The following CNGB3 variants were observed in gnomAD, a reference collection of about 807,000 sequenced individuals.
The protein encoded by CNGB3 is cyclic nucleotide-gated channel beta-3.
CNGB3 carries 86 observed loss-of-function variants against 92.8 expected under a neutral mutation model. That is an observed-to-expected ratio of 0.93 (90% CI 0.78 to 1.11). CNGB3 has a LOEUF of 1.11. Ranked by LOEUF, CNGB3 falls within the 50% of genes least tolerant of loss-of-function variation. The pLI is 0.00. For missense variants in CNGB3, 1,026 were observed against 956.8 expected (o/e 1.07, Z -0.95); for synonymous variants, 333 against 332.7 (o/e 1.00, Z -0.01).
intron 6 of CNGB3, chr8:86,657,424 GA>G: frequency 6.0e-6 from 3 of 500,042 alleles, no homozygotes; most frequent in South Asian, 3.0e-5. Context: ...CAGCATGATA[GA>G]AAAATGGAAT....
chr8:86,671,411 C>A (rs1282021388), intron 3 of CNGB3, among the ~76,000 whole-genome samples: 3 of 152,144 alleles, frequency 2.0e-5, no homozygotes, highest in Non-Finnish European at 2.9e-5. Context: ...CAGGCAGAAG[C>A]CTAAGATGGC....
chr8:86,633,112 T>A (rs1822994083), intron 10 of CNGB3, among the ~76,000 whole-genome samples: 1 of 152,182 alleles, frequency 6.6e-6, no homozygotes. Context: ...TTACTAGCCG[T>A]TACCAAAATT....
intron 15 of CNGB3, among the ~76,000 whole-genome samples, chr8:86,591,374 TG>T (rs1822031882): frequency 6.6e-6 from 1 of 152,120 alleles, no homozygotes; most frequent in Non-Finnish European, 1.5e-5. Context: ...TTTGTTCCAT[TG>T]CTGGTGATGA....
intron 15 of CNGB3, among the ~76,000 whole-genome samples, chr8:86,601,995 T>C (rs760321051): frequency 6.6e-6 from 1 of 152,230 alleles, no homozygotes; most frequent in African/African-American, 2.4e-5. Context: ...TATTTCCTCC[T>C]GTGATGATAA....
intron 13 of CNGB3, among the ~76,000 whole-genome samples, chr8:86,618,881 C>A (rs890301156): frequency 2.6e-5 from 4 of 152,150 alleles, no homozygotes; most frequent in Non-Finnish European, 5.9e-5. Flanking sequence ...GCTGCCATTC[C>A]GGTTCTCTTC....
chr8:86,605,345 T>G (rs1822392374), intron 14 of CNGB3, among the ~76,000 whole-genome samples: 1 of 152,024 alleles, frequency 6.6e-6, no homozygotes, highest in African/African-American at 2.4e-5. Context: ...GGCACTTAGG[T>G]CAAGAAAGGC....
At chr8:86,599,684 C>T (rs570016564) in intron 15 of CNGB3, among the ~76,000 whole-genome samples, 9 of 152,186 alleles carry the variant, frequency 5.9e-5, no homozygotes, top group African/African-American at 2.2e-4. Flanking sequence ...TCCTATAGCA[C>T]TCCCAGGCTT....
At chr8:86,642,724 A>G (rs1299840851) in intron 10 of CNGB3, among the ~76,000 whole-genome samples, 1 of 151,666 alleles carries the variant, frequency 6.6e-6, no homozygotes, top group African/African-American at 2.4e-5. Flanking sequence ...ATTTTACCAA[A>G]AGGAAATTTC....
At chr8:86,638,886 C>A (rs975800899) in intron 10 of CNGB3, among the ~76,000 whole-genome samples, 1 of 151,402 alleles carries the variant, frequency 6.6e-6, no homozygotes, top group East Asian at 1.9e-4. Flanking sequence ...CAAGGGTGAC[C>A]CTCTAGGAAT....
chr8:86,686,652 G>GT (rs1331713069), intron 3 of CNGB3, among the ~76,000 whole-genome samples: 1 of 75,342 alleles, frequency 1.3e-5, no homozygotes, highest in African/African-American at 8.7e-5. Flanking sequence ...AGGGTGTTCT[G>GT]CATTGATAAG....
chr8:86,669,082 A>G (rs2131617031), intron 4 of CNGB3, among the ~76,000 whole-genome samples: 1 of 152,168 alleles, frequency 6.6e-6, no homozygotes, highest in Admixed American at 6.5e-5. Flanking sequence ...TGAAATATTT[A>G]TGGATGAAAT....
rs976035538 is a variant in CNGB3, at chr8:86,644,537, G to T, written c.1055+85C>A. The T allele has an allele frequency of 3.9e-6, 6 of 1,530,498 alleles. No homozygotes were observed. In the East Asian group the frequency reaches 7.1e-5, roughly 18 times the overall value. 94.8% of individuals were successfully genotyped at this position (1,530,498 alleles called of 1,614,324 possible). On this transcript the variant is annotated intron_variant, in intron 9 of 17. Coordinates refer to ENST00000320005, the MANE Select transcript of CNGB3 (RefSeq NM_019098.5). ...AAATTATATCCTTTTTTTGAAGAGG[G>T]GGGTCATATCCCTGCCAAATTCCGT...
At chr8:86,651,976 T>C (rs775031813) in intron 7 of CNGB3, among the ~76,000 whole-genome samples, 2 of 151,930 alleles carry the variant, frequency 1.3e-5, no homozygotes, top group Non-Finnish European at 2.9e-5. Context: ...TAAACCTAGA[T>C]GTATTGCCTA....
chr8:86,669,980 G>T (rs1823823162), intron 4 of CNGB3, among the ~76,000 whole-genome samples: 2 of 152,054 alleles, frequency 1.3e-5, no homozygotes, highest in South Asian at 2.1e-4. Context: ...CTCCCAAGTA[G>T]CTGGTACTAC....
chr8:86,722,241 CT>C, intron 3 of CNGB3, among the ~76,000 whole-genome samples: 1 of 152,222 alleles, frequency 6.6e-6, no homozygotes, highest in East Asian at 1.9e-4. Context: ...AACACATCTT[CT>C]TTTGCTTGCT....
chr8:86,720,839 TACACACACACACACACACACACAC>T (rs4024071), intron 3 of CNGB3, among the ~76,000 whole-genome samples: 2 of 129,888 alleles, frequency 1.5e-5, no homozygotes, highest in African/African-American at 5.9e-5. Flanking sequence ...TATATATGTA[TACACACACACACACACACACACAC>T]ACACACACAC....
chr8:86,668,283 CA>C (rs1309676659), intron 4 of CNGB3, 115 bp from the exon 5 acceptor site: 16 of 768,222 alleles, frequency 2.1e-5, no homozygotes, highest in Non-Finnish European at 3.0e-5. Flanking sequence ...GGGAGTTGAA[CA>C]ATGAGAACAT....
At position 86,643,875 on chromosome 8, in the gene CNGB3, T is replaced by C. The variant is rs1385347376; in HGVS notation, c.1056-2A>G. 2 of 1,604,758 alleles carry C rather than the reference T, an allele frequency of 1.2e-6. No homozygotes were observed. Among genetic ancestry groups the C allele is most frequent in the East Asian group, 2.2e-5 (1 of 44,672 alleles). On this transcript the variant is annotated splice_acceptor_variant, in intron 9 of 17. Coordinates refer to ENST00000320005, the MANE Select transcript of CNGB3 (RefSeq NM_019098.5). LOFTEE classifies it high-confidence loss of function. ...AAGTATCCAGTTGTTCGAATAACTCTGTCAGAGAGAATAGATGCAAAGTAA... is the reference window on the plus strand; with the variant it reads ...AAGTATCCAGTTGTTCGAATAACTCCGTCAGAGAGAATAGATGCAAAGTAA...
At chr8:86,655,728 CCTAACACAGTGT>C (rs1460954739) in intron 6 of CNGB3, among the ~76,000 whole-genome samples, 1 of 152,130 alleles carries the variant, frequency 6.6e-6, no homozygotes, top group East Asian at 1.9e-4. Context: ...TTCCTCAGTT[CCTAACACAGTGT>C]CTAACACACA....
Sources: allele counts gnomAD v4.1 joint callset (sites outside exome capture counted in the v4.1 genomes callset), GRCh38; gene constraint gnomAD v4.1.1; transcripts MANE v1.5; gene names NCBI Gene and HGNC (gene_info 2026-07-23, HGNC 2026-07-21).